The following CFAP97D2 variants were observed in gnomAD, a reference collection of about 807,000 sequenced individuals.
CFAP97D2 encodes CFAP97 domain containing 2.
chr13:114,189,557 T>C lies in CFAP97D2; in HGVS notation c.91-6839T>C, dbSNP rs183190370. On this transcript the variant is annotated intron_variant, in intron 1 of 4. Transcript: ENST00000646158. The surrounding 1 kb of genome is among the most constrained non-coding windows in gnomAD (Gnocchi z 4.5). ...AGTAAATCAATATCTCTCATGAACA[T>C]TGATGCAAAAATCCACAGCAAAACT... Among the ~76,000 whole-genome samples, 89 of 152,274 alleles carry C rather than the reference T, an allele frequency of 5.8e-4. No homozygotes were observed. The highest frequency in any genetic ancestry group is 7.8e-4 in the Non-Finnish European group (53 of 68,032).
In CFAP97D2 at chr13:114,222,259, T is replaced by C. The variant is rs542825362; in HGVS notation, c.481-239T>C. On this transcript the variant is annotated intron_variant, in intron 4 of 4. Transcript: ENST00000646158. This position sits in a 1 kb window ranked among gnomAD's most constrained non-coding sequence, Gnocchi z 4.4. ...TTTGGAGGGGGAGGTGATGAAGATG[T>C]TCTGAAATTATATTGTGACAATAGT... is the stretch of plus-strand genomic sequence containing the variant. Among the ~76,000 whole-genome samples the C allele has an allele frequency of 6.6e-6, 1 of 152,164 alleles. No homozygotes were observed. Among genetic ancestry groups the C allele is most frequent in the Non-Finnish European group, 1.5e-5 (1 of 68,040 alleles).
chr13:114,194,457 C>T lies in CFAP97D2; in HGVS notation c.91-1939C>T, dbSNP rs1043783508. Among the ~76,000 whole-genome samples the T allele has an allele frequency of 6.6e-5, 10 of 152,208 alleles. No homozygotes were observed. In the East Asian group the frequency reaches 7.7e-4, roughly 12 times the overall value. On this transcript the variant is annotated intron_variant, in intron 1 of 4. Transcript: ENST00000646158. ...AAAAACAGGGAAATTGTACATTAGA[C>T]GTAAAAGATGTACGACCAGTGGCAA...
At chr13:114,212,112 C>A (rs1286590056) in intron 4 of CFAP97D2, 5 of 398,616 alleles carry the variant, frequency 1.3e-5, no homozygotes, top group Non-Finnish European at 2.2e-5. Context: ...GTACCCGCAC[C>A]TTCTTTTTCA....
chr13:114,218,363 A>G (rs1319295936), intron 4 of CFAP97D2, among the ~76,000 whole-genome samples: 1 of 152,260 alleles, frequency 6.6e-6, no homozygotes, highest in Non-Finnish European at 1.5e-5. Context: ...ACCACTGCTC[A>G]ACAAAATAAA....
chr13:114,194,194 A>G (rs1035349792), intron 1 of CFAP97D2, among the ~76,000 whole-genome samples: 15 of 152,250 alleles, frequency 9.9e-5, no homozygotes. Flanking sequence ...ACCATAATGA[A>G]GTAATGGATC....
downstream of CFAP97D2, chr13:114,222,850 C>T (rs1358468648): frequency 7.4e-6 from 2 of 271,706 alleles, no homozygotes; most frequent in Non-Finnish European, 1.4e-5. The surrounding 1 kb of genome is among the most constrained non-coding windows in gnomAD (Gnocchi z 4.4). Flanking sequence ...ATTTTCTGTG[C>T]TTCTTGGACT....
chr13:114,196,433 C>G, exon 2 of CFAP97D2: 1 of 399,668 alleles, frequency 2.5e-6, no homozygotes, highest in South Asian at 1.3e-4. Flanking sequence ...ACCCGCGCCC[C>G]GCTGACGTTC....
chr13:114,217,694 A>G (rs1426993707), intron 4 of CFAP97D2, among the ~76,000 whole-genome samples: 1 of 152,244 alleles, frequency 6.6e-6, no homozygotes, highest in Non-Finnish European at 1.5e-5. Flanking sequence ...AGTAGGCTTC[A>G]TCCCTGGGAT....
intron 2 of CFAP97D2, among the ~76,000 whole-genome samples, chr13:114,197,963 G>A (rs544506439): frequency 1.3e-5 from 2 of 152,102 alleles, no homozygotes; most frequent in African/African-American, 4.8e-5. Flanking sequence ...GGGATTACAG[G>A]TGTTGTTTAT....
chr13:114,196,265 C>T (rs1202001417), intron 1 of CFAP97D2, 131 bp from the exon 2 acceptor site: 1 of 397,060 alleles, frequency 2.5e-6, no homozygotes, highest in Non-Finnish European at 4.4e-6. Flanking sequence ...TAAGCACGAG[C>T]CTCTTTCAGA....
chr13:114,208,497 A>G (rs945894543), intron 3 of CFAP97D2, among the ~76,000 whole-genome samples: 1 of 152,224 alleles, frequency 6.6e-6, no homozygotes, highest in African/African-American at 2.4e-5. Flanking sequence ...CATATTAAAT[A>G]ACAGAACCCT....
At chr13:114,190,698 C>T (rs1295734372) in intron 1 of CFAP97D2, among the ~76,000 whole-genome samples, 1 of 152,194 alleles carries the variant, frequency 6.6e-6, no homozygotes, top group Non-Finnish European at 1.5e-5. Flanking sequence ...AATGTTAGTT[C>T]TTTCCAATTT....
At chr13:114,199,712 G>A in intron 2 of CFAP97D2, 1 of 150,898 alleles carries the variant, frequency 6.6e-6, no homozygotes, top group African/African-American at 2.5e-5. Context: ...CCGTGCGTAC[G>A]GTCCCCGCTG....
In CFAP97D2 at chr13:114,211,084, T is replaced by C. The variant is rs1380334986; in HGVS notation, c.291-828T>C. Among the ~76,000 whole-genome samples, 1 of 152,180 alleles carries C rather than the reference T, an allele frequency of 6.6e-6. No homozygotes were observed. Among genetic ancestry groups the C allele is most frequent in the Non-Finnish European group, 1.5e-5 (1 of 68,020 alleles). ...GGAGGCCACCAACCATCCACCATTA[T>C]TCCCTGCTTCCACAAATCTCCCTAG... On this transcript the variant is annotated intron_variant, in intron 3 of 4. Coordinates refer to ENST00000646158, the Ensembl canonical transcript of CFAP97D2. The surrounding 1 kb of genome is among the most constrained non-coding windows in gnomAD (Gnocchi z 4.2).
intron 4 of CFAP97D2, among the ~76,000 whole-genome samples, chr13:114,213,488 G>A (rs1314911057): frequency 2.0e-4 from 26 of 127,706 alleles, no homozygotes; most frequent in South Asian, 5.4e-4. Flanking sequence ...CAGGACCACA[G>A]ACCCCACCCC....
intron 3 of CFAP97D2, among the ~76,000 whole-genome samples, chr13:114,204,003 A>C (rs1417747954): frequency 1.3e-5 from 2 of 152,262 alleles, no homozygotes; most frequent in African/African-American, 4.8e-5. Context: ...TCAAAGTAGT[A>C]GGACTCATGT....
intron 3 of CFAP97D2, among the ~76,000 whole-genome samples, chr13:114,205,661 G>A (rs568160221): frequency 6.6e-6 from 1 of 152,270 alleles, no homozygotes; most frequent in East Asian, 1.9e-4. Context: ...TCTTCTCTCT[G>A]AGTGACACCC....
rs1052377844 is a variant in CFAP97D2 at position 114,179,457 on chromosome 13, G to A, written c.90+37G>A. 11 of 398,536 alleles carry A rather than the reference G, an allele frequency of 2.8e-5. No homozygotes were observed. Among genetic ancestry groups the A allele is most frequent in the Admixed American group, 1.8e-4 (4 of 22,722 alleles). 24.7% of individuals were successfully genotyped at this position (398,536 alleles called of 1,614,324 possible). A position where few individuals can be genotyped will look rare whatever the true frequency, so the allele number is the denominator to read the frequency against. ...CCCAATCCAGCCCTGACAGCTCAGCGGGCGGGCACCAAGCAGCGCCCACGA... is the reference window on the plus strand; with the variant it reads ...CCCAATCCAGCCCTGACAGCTCAGCAGGCGGGCACCAAGCAGCGCCCACGA... On this transcript the variant is annotated intron_variant, in intron 1 of 4. Coordinates refer to ENST00000646158, the Ensembl canonical transcript of CFAP97D2. This position sits in a 1 kb window ranked among gnomAD's most constrained non-coding sequence, Gnocchi z 4.8.
At chr13:114,222,884 C>A (rs955733483), downstream of CFAP97D2, 2 of 223,818 alleles carry the variant, frequency 8.9e-6, no homozygotes, top group Non-Finnish European at 1.7e-5. This position sits in a 1 kb window ranked among gnomAD's most constrained non-coding sequence, Gnocchi z 4.4. Flanking sequence ...ACAAACTATG[C>A]AGAGTCATGT....
Sources: allele counts gnomAD v4.1 joint callset (sites outside exome capture counted in the v4.1 genomes callset), GRCh38; gene constraint gnomAD v4.1.1; non-coding constraint Gnocchi (gnomAD v3.1); transcripts MANE v1.5; gene names NCBI Gene and HGNC (gene_info 2026-07-23, HGNC 2026-07-21).